The following ZPBP variants were observed in gnomAD, a reference collection of about 807,000 sequenced individuals.
ZPBP encodes zona pellucida binding protein.
In ZPBP, 26 loss-of-function variants were observed where a neutral mutation model predicts 44.8. The observed-to-expected ratio is 0.58, with a 90% confidence interval of 0.43 to 0.81. The LOEUF is 0.81. Among genes scored for constraint, ZPBP ranks in the 30% least tolerant of loss-of-function variants. The pLI, the probability that ZPBP is intolerant of heterozygous loss-of-function variation, is 0.00. For synonymous variants in ZPBP, 174 were observed against 153.2 expected, an observed-to-expected ratio of 1.14 and a Z score of -1.00; for missense variants, 409 against 434.0, an observed-to-expected ratio of 0.94 and a Z score of 0.51.
chr7:50,015,519 C>T (rs1429785279), intron 6 of ZPBP, among the ~76,000 whole-genome samples: 2 of 152,058 alleles, frequency 1.3e-5, no homozygotes, highest in South Asian at 2.1e-4. Flanking sequence ...ATGATGAAGT[C>T]TCCAAATGCA....
chr7:50,000,972 T>C lies in ZPBP; in HGVS notation c.783+17268A>G, dbSNP rs569437625. Reference sequence around the variant, plus strand: ...CCTAATTCAATGACTGGTGTTCTCATAAGAAGAGTTAAGGACACAGACACA... The same window carrying C: ...CCTAATTCAATGACTGGTGTTCTCACAAGAAGAGTTAAGGACACAGACACA... On this transcript the variant is annotated intron_variant, in intron 6 of 7. Transcript: ENST00000046087. Among the ~76,000 whole-genome samples, 3 of 152,176 alleles carry C rather than the reference T, an allele frequency of 2.0e-5. No individual in the cohort carries two copies. In the East Asian group the frequency reaches 5.8e-4, roughly 29 times the overall value.
At chr7:50,041,980 A>G (rs1014035223) in intron 4 of ZPBP, among the ~76,000 whole-genome samples, 2 of 152,196 alleles carry the variant, frequency 1.3e-5, no homozygotes, top group African/African-American at 4.8e-5. Flanking sequence ...AAAAACATAA[A>G]TGACCTGATG....
intron 2 of ZPBP, among the ~76,000 whole-genome samples, chr7:49,874,091 C>T (rs951342726): frequency 1.4e-4 from 22 of 151,852 alleles, no homozygotes; most frequent in African/African-American, 5.1e-4. Flanking sequence ...GGAGTAAGGA[C>T]GGGACTGGAG....
chr7:49,938,963 A>G (rs1401630350), intron 7 of ZPBP, among the ~76,000 whole-genome samples: 1 of 152,240 alleles, frequency 6.6e-6, no homozygotes, highest in East Asian at 1.9e-4. Flanking sequence ...TCTATGTTCC[A>G]AAGAGTTCCT....
At chr7:50,019,421 A>G (rs1798978191) in intron 5 of ZPBP, among the ~76,000 whole-genome samples, 2 of 152,026 alleles carry the variant, frequency 1.3e-5, no homozygotes, top group Admixed American at 6.6e-5. Flanking sequence ...CTTCCTTAGA[A>G]CCCATAAAAC....
chr7:50,029,592 G>T (rs1001636923), intron 5 of ZPBP, among the ~76,000 whole-genome samples: 1 of 152,052 alleles, frequency 6.6e-6, no homozygotes, highest in Admixed American at 6.6e-5. Flanking sequence ...TACAGTATTT[G>T]GAATATATAA....
At chr7:50,084,863 T>C (rs1196125254) in intron 2 of ZPBP, among the ~76,000 whole-genome samples, 5 of 152,020 alleles carry the variant, frequency 3.3e-5, no homozygotes, top group African/African-American at 4.8e-5. Context: ...ATAAAAGTCA[T>C]GAGGAAAAGT....
chr7:49,889,554 C>T (rs1342650275), intron 2 of ZPBP, among the ~76,000 whole-genome samples: 1 of 152,104 alleles, frequency 6.6e-6, no homozygotes, highest in Non-Finnish European at 1.5e-5. Context: ...CAAGGCTGGT[C>T]AAAGGCGAGG....
intron 7 of ZPBP, chr7:49,944,570 C>T (rs1233979099): frequency 6.6e-6 from 1 of 152,634 alleles, no homozygotes; most frequent in Admixed American, 6.6e-5. Flanking sequence ...TTATTGGTCT[C>T]CTCAGTTGTT....
intron 1 of ZPBP, among the ~76,000 whole-genome samples, chr7:50,090,881 A>C (rs1802956591): frequency 2.0e-5 from 3 of 152,174 alleles, no homozygotes; most frequent in African/African-American, 7.2e-5. Flanking sequence ...TTCTTTAGGG[A>C]ATCTCCACAA....
chr7:49,876,012 C>A (rs1791400367), intron 2 of ZPBP, among the ~76,000 whole-genome samples: 1 of 152,000 alleles, frequency 6.6e-6, no homozygotes, highest in Non-Finnish European at 1.5e-5. Flanking sequence ...GAATATGGAC[C>A]CAGGCAATAT....
chr7:49,900,572 T>A (rs1257661045), intron 2 of ZPBP, among the ~76,000 whole-genome samples: 2 of 151,560 alleles, frequency 1.3e-5, no homozygotes, highest in Non-Finnish European at 3.0e-5. Flanking sequence ...ATGAACCAAT[T>A]CCTTGAAAGA....
intron 7 of ZPBP, among the ~76,000 whole-genome samples, chr7:49,946,463 A>G (rs565435715): frequency 6.6e-6 from 1 of 152,190 alleles, no homozygotes; most frequent in South Asian, 2.1e-4. Context: ...TGCCAGATAT[A>G]CTATTCTAGG....
At chr7:49,943,676 C>CA (rs1794981833) in intron 7 of ZPBP, 1 of 293,380 alleles carries the variant, frequency 3.4e-6, no homozygotes, top group African/African-American at 2.3e-5. Flanking sequence ...TTGTTATGTA[C>CA]AAACATAACG....
At chr7:49,967,009 G>T (rs1396392488) in intron 7 of ZPBP, among the ~76,000 whole-genome samples, 1 of 151,972 alleles carries the variant, frequency 6.6e-6, no homozygotes, top group African/African-American at 2.4e-5. Flanking sequence ...GCAGAAAATG[G>T]ACTAAAAGAG....
intron 7 of ZPBP, among the ~76,000 whole-genome samples, chr7:49,959,439 G>A (rs1282888441): frequency 2.0e-5 from 3 of 151,946 alleles, no homozygotes; most frequent in Non-Finnish European, 2.9e-5. Flanking sequence ...ATACTAATGG[G>A]AAAATTAAAT....
intron 1 of ZPBP, among the ~76,000 whole-genome samples, chr7:49,903,552 T>C (rs1001936455): frequency 2.0e-5 from 3 of 152,176 alleles, no homozygotes; most frequent in Non-Finnish European, 4.4e-5. Context: ...ACAATAGATA[T>C]GGAGAATATT....
chr7:49,987,231 T>C (rs1379854304), intron 6 of ZPBP, among the ~76,000 whole-genome samples: 1 of 152,228 alleles, frequency 6.6e-6, no homozygotes, highest in Non-Finnish European at 1.5e-5. Flanking sequence ...TAAAAGGATT[T>C]TTTTAAAGAG....
At chr7:49,955,636 G>T (rs1483658986) in intron 7 of ZPBP, among the ~76,000 whole-genome samples, 2 of 151,922 alleles carry the variant, frequency 1.3e-5, no homozygotes, top group African/African-American at 4.8e-5. Flanking sequence ...AAAGGTATTA[G>T]CTAAAATTAA....
Sources: gnomAD v4.1 joint callset for allele counts (sites outside exome capture counted in the v4.1 genomes callset) on GRCh38, gnomAD v4.1.1 for gene constraint, MANE v1.5 for transcripts, NCBI Gene and HGNC (gene_info 2026-07-23, HGNC 2026-07-21) for gene names.